AVEN: variants seen among roughly 807,000 people sequenced by gnomAD.
AVEN encodes apoptosis and caspase activation inhibitor, also known as cell death regulator Aven.
A neutral mutation model predicts 38.1 loss-of-function variants in AVEN; 41 were observed. The observed-to-expected ratio is 1.08, with a 90% CI of 0.84 to 1.40. AVEN has a LOEUF of 1.40. Among genes scored for constraint, AVEN ranks in the 40% most tolerant of loss-of-function variants. AVEN has a pLI of 0.00. For synonymous variants in AVEN, 206 were observed against 171.8 expected (o/e 1.20, Z -1.56); for missense variants, 605 against 438.8 (o/e 1.38, Z -3.38).
chr15:34,071,092 C>T (rs1164188097), intron 1 of AVEN, among the ~76,000 whole-genome samples: 1 of 152,148 alleles, frequency 6.6e-6, no homozygotes. Context: ...TGCCTTCATG[C>T]TCCTGCTAAG....
At chr15:33,878,036 G>T (rs529461306) in intron 2 of AVEN, among the ~76,000 whole-genome samples, 4 of 152,138 alleles carry the variant, frequency 2.6e-5, no homozygotes, top group African/African-American at 9.6e-5. Flanking sequence ...TCCTGGGAAT[G>T]AATCAGGAAT....
At chr15:33,857,351 CCT>C (rs1430310828), downstream of AVEN, among the ~76,000 whole-genome samples, 1 of 151,952 alleles carries the variant, frequency 6.6e-6, no homozygotes, top group African/African-American at 2.4e-5. Context: ...CTGTGTCTAG[CCT>C]CTCTCTCTGT....
chr15:34,063,789 A>G lies in AVEN; in HGVS notation n.1127-357T>C. ...TGAAACTGAAAAAAGTGACTATGAC[A>G]CCCCAAACTACCTTCTGTCTCCAGC... On this transcript the variant is annotated intron_variant and non_coding_transcript_variant, in intron 4 of 11. Coordinates refer to the AVEN transcript ENST00000675287. This position sits in a 1 kb window ranked among gnomAD's most constrained non-coding sequence, Gnocchi z 4.1. 6.2e-7 allele frequency: 1 copy of G among 1,614,132 alleles called. No homozygotes were observed. Among genetic ancestry groups the G allele is most frequent in the Admixed American group, 1.7e-5 (1 of 60,018 alleles).
chr15:34,025,125 G>A (rs893861604), intron 1 of AVEN, among the ~76,000 whole-genome samples: 4 of 151,984 alleles, frequency 2.6e-5, no homozygotes, highest in Admixed American at 1.3e-4. Flanking sequence ...AGCAGAGATC[G>A]CACCACTGCA....
chr15:33,964,535 G>T (rs969710469), intron 2 of AVEN, among the ~76,000 whole-genome samples: 1 of 152,132 alleles, frequency 6.6e-6, no homozygotes, highest in African/African-American at 2.4e-5. Flanking sequence ...CGTTTTACCC[G>T]AATGTAATAC....
chr15:33,903,983 T>C (rs1018367541), intron 2 of AVEN, among the ~76,000 whole-genome samples: 2 of 152,214 alleles, frequency 1.3e-5, no homozygotes, highest in Non-Finnish European at 2.9e-5. Flanking sequence ...TGGTAAGTAT[T>C]TGTGTTTCTG....
chr15:34,057,141 G>T (rs579073), intron 5 of AVEN, among the ~76,000 whole-genome samples: 43 of 140,798 alleles, frequency 3.1e-4, no homozygotes, highest in South Asian at 6.4e-4. Flanking sequence ...GGTTTTTTTT[G>T]GTTTTTTTTT....
chr15:33,949,310 G>C (rs139480473), intron 2 of AVEN, among the ~76,000 whole-genome samples: 3 of 152,152 alleles, frequency 2.0e-5, no homozygotes, highest in African/African-American at 7.2e-5. Context: ...GTGAGCCACC[G>C]CGCCCAGCCA....
In AVEN at chr15:33,867,757, T is replaced by C; in HGVS notation, c.711A>G (p.Gly237=). ...MQLKGPLGPG[G]RGPIFELKSV... ...ATTTCAGCTCAAAGATGGGCCCCCTTCCTCCAGGCCCCAAGGGCCCCTTTA... is the reference window on the plus strand; with the variant it reads ...ATTTCAGCTCAAAGATGGGCCCCCTCCCTCCAGGCCCCAAGGGCCCCTTTA... The change falls in exon 5 of 6, where the codon GGA becomes GGG. Residue 237 remains glycine, a synonymous_variant. Transcript: ENST00000306730. 1 of 1,614,126 alleles carries C rather than the reference T, an allele frequency of 6.2e-7. No individual in the cohort carries two copies. Among genetic ancestry groups the C allele is most frequent in the Non-Finnish European group, 8.5e-7 (1 of 1,180,014 alleles).
intron 2 of AVEN, among the ~76,000 whole-genome samples, chr15:33,876,954 C>A (rs1891257104): frequency 2.0e-5 from 3 of 151,828 alleles, no homozygotes; most frequent in Admixed American, 2.0e-4. Flanking sequence ...ACTTTTTGAT[C>A]AGAAAAAAAC....
the AVEN span, chr15:33,853,081 G>C: frequency 6.3e-7 from 1 of 1,598,780 alleles, no homozygotes; most frequent in Non-Finnish European, 8.5e-7. Flanking sequence ...AGTTTGTAAA[G>C]AGAAAGGTAT....
rs140448467 is a variant in AVEN at position 33,887,222 on chromosome 15, G to C, written c.446-11227C>G. Among the ~76,000 whole-genome samples the C allele has an allele frequency of 2.9e-3, 443 of 152,212 alleles. 2 individuals carry two copies. Among genetic ancestry groups the C allele is most frequent in the African/African-American group, 0.01 (432 of 41,538 alleles). On this transcript the variant is annotated intron_variant, in intron 2 of 5. Coordinates refer to ENST00000306730, the MANE Select transcript of AVEN (RefSeq NM_020371.3). ...GGGTTAGGAAGCAAATACTCTCTGT[G>C]ACAAGTTATGGGACCAAACTACTTG... is the stretch of plus-strand genomic sequence containing the variant.
chr15:33,943,574 G>A (rs992244486), intron 2 of AVEN, among the ~76,000 whole-genome samples: 1 of 152,128 alleles, frequency 6.6e-6, no homozygotes, highest in Non-Finnish European at 1.5e-5. Flanking sequence ...CTGGGCACAC[G>A]CCTGTAATCC....
chr15:33,910,495 G>C (rs531961670), intron 2 of AVEN, among the ~76,000 whole-genome samples: 1 of 152,214 alleles, frequency 6.6e-6, no homozygotes, highest in Non-Finnish European at 1.5e-5. Flanking sequence ...AGATAGCTGC[G>C]CCAGTATCTG....
chr15:33,907,228 A>G (rs1355413923), intron 2 of AVEN, among the ~76,000 whole-genome samples: 1 of 152,196 alleles, frequency 6.6e-6, no homozygotes. Flanking sequence ...GCACCAAGTT[A>G]ACTGGGCCTC....
intron 2 of AVEN, among the ~76,000 whole-genome samples, chr15:33,931,874 C>T (rs1402509280): frequency 6.6e-6 from 1 of 152,164 alleles, no homozygotes. Context: ...AATAGCTCAT[C>T]AGTCAAAACC....
chr15:34,025,504 A>G (rs935869728), intron 1 of AVEN, among the ~76,000 whole-genome samples: 3 of 152,130 alleles, frequency 2.0e-5, no homozygotes, highest in Admixed American at 1.3e-4. Context: ...TCATCCATAC[A>G]TCATTGCTCA....
chr15:33,854,636 C>T (rs1035795336), downstream of AVEN: 16 of 1,251,072 alleles, frequency 1.3e-5, no homozygotes, highest in Non-Finnish European at 1.7e-5. Flanking sequence ...AGATCTTGGG[C>T]CAGCTCACAG....
intron 2 of AVEN, among the ~76,000 whole-genome samples, chr15:33,969,749 A>G (rs2140491799): frequency 6.6e-6 from 1 of 152,208 alleles, no homozygotes; most frequent in East Asian, 1.9e-4. Flanking sequence ...CTAAATGAAG[A>G]CATTTTTCTG....
Sources: allele counts gnomAD v4.1 joint callset (sites outside exome capture counted in the v4.1 genomes callset), GRCh38; gene constraint gnomAD v4.1.1; non-coding constraint Gnocchi (gnomAD v3.1); transcripts MANE v1.5; gene names NCBI Gene and HGNC (gene_info 2026-07-23, HGNC 2026-07-21).